The following TRIM33 variants were observed in gnomAD, a reference collection of about 807,000 sequenced individuals.
TRIM33 encodes E3 ubiquitin-protein ligase TRIM33.
A neutral mutation model predicts 125.4 loss-of-function variants in TRIM33; 20 were observed. The observed-to-expected ratio is 0.16, with a 90% CI of 0.11 to 0.23. The LOEUF (loss-of-function observed/expected upper bound fraction) is 0.23, where lower values mean the gene tolerates loss of function less well. Ranked by LOEUF, TRIM33 falls within the 10% of genes least tolerant of loss-of-function variation. TRIM33 has a pLI of 1.00. For synonymous variants in TRIM33, 564 were observed against 513.9 expected (o/e 1.10, Z -1.32); for missense variants, 920 against 1,411.4 (o/e 0.65, Z 5.58).
At chr1:114,427,360 G>A in intron 7 of TRIM33, 66 bp from the exon 8 acceptor site, 6 of 875,786 alleles carry the variant, frequency 6.9e-6, no homozygotes, top group Admixed American at 4.5e-5. Context: ...ATAAGATAAA[G>A]ACATTAAGAA....
intron 1 of TRIM33, among the ~76,000 whole-genome samples, chr1:114,466,705 G>A (rs1572089633): frequency 6.6e-6 from 1 of 152,294 alleles, no homozygotes; most frequent in South Asian, 2.1e-4. Context: ...CTGAAAGCAT[G>A]GGTCTGCTTT....
chr1:114,398,138 A>G (rs1350961209), intron 18 of TRIM33, 148 bp from the exon 19 acceptor site: 3 of 752,916 alleles, frequency 4.0e-6, no homozygotes, highest in Non-Finnish European at 6.4e-6. Context: ...CTAAAATTCT[A>G]CAGAACATGG....
At chr1:114,419,828 G>A (rs1056651516) in intron 11 of TRIM33, among the ~76,000 whole-genome samples, 6 of 152,152 alleles carry the variant, frequency 3.9e-5, no homozygotes, top group South Asian at 2.1e-4. Flanking sequence ...ATAGTAACCA[G>A]TTTACTATGT....
Position 114,396,875 on chromosome 1 carries a change from CATGA to C in TRIM33, c.*769_*772del. ...TTTCATGGGAATAACTGTATGATCA[CATGA>C]TTTGATTGGGAAGTACAATTGTGAG... On this transcript the variant is annotated 3_prime_UTR_variant, in exon 20 of 20. Transcript: ENST00000358465. The C allele has an allele frequency of 4.8e-6, 1 of 210,408 alleles. No individual in the cohort carries two copies. The highest frequency in any genetic ancestry group is 1.9e-4 in the South Asian group (1 of 5,338). The allele number at this position is 210,408 out of a possible 1,614,324, so 13.0% of individuals were successfully genotyped here. A position where few individuals can be genotyped will look rare whatever the true frequency, so the allele number is the denominator to read the frequency against.
chr1:114,424,566 C>A, intron 10 of TRIM33, 25 bp downstream of exon 10: 1 of 1,494,278 alleles, frequency 6.7e-7, no homozygotes, highest in Admixed American at 2.4e-5. Flanking sequence ...TTGTAGGATT[C>A]TTACAAATGT....
intron 1 of TRIM33, among the ~76,000 whole-genome samples, chr1:114,486,333 A>C (rs189564122): frequency 6.6e-6 from 1 of 152,112 alleles, no homozygotes; most frequent in East Asian, 1.9e-4. Context: ...AATGAAAGTT[A>C]TAGAAAAAAA....
intron 1 of TRIM33, among the ~76,000 whole-genome samples, chr1:114,508,371 T>G (rs563099108): frequency 1.3e-5 from 2 of 152,196 alleles, no homozygotes; most frequent in Admixed American, 6.5e-5. Context: ...TCTGTATTTC[T>G]GGGTTCCCTC....
At chr1:114,498,830 C>T (rs1652535194) in intron 1 of TRIM33, among the ~76,000 whole-genome samples, 1 of 151,562 alleles carries the variant, frequency 6.6e-6, no homozygotes, top group Non-Finnish European at 1.5e-5. Flanking sequence ...GGGGAAGGAC[C>T]TTCTGAAAAA....
Position 114,463,103 on chromosome 1 carries a change from C to T in TRIM33, c.923+1G>A, listed in dbSNP as rs1650090259. The T allele has an allele frequency of 6.3e-7, 1 of 1,595,614 alleles. No individual in the cohort carries two copies. Among genetic ancestry groups the T allele is most frequent in the East Asian group, 2.2e-5 (1 of 44,496 alleles). ...CTGGTAAGCAATTATGATTTCTGTA[C>T]CTATGTTCTTTGTGTTCCAATAGCT... On this transcript the variant is annotated splice_donor_variant, in intron 4 of 19. Coordinates refer to ENST00000358465, the MANE Select transcript of TRIM33 (RefSeq NM_015906.4). LOFTEE classifies it high-confidence loss of function.
At chr1:114,475,633 G>T (rs12075649) in intron 1 of TRIM33, among the ~76,000 whole-genome samples, 3,477 of 152,242 alleles carry the variant, frequency 0.023, 125 homozygotes, top group African/African-American at 0.079. Context: ...AGTGAGCCGA[G>T]ATGGCGCCAC....
intron 18 of TRIM33, 36 bp from the exon 19 acceptor site, chr1:114,398,026 A>T (rs756712386): frequency 1.9e-6 from 3 of 1,598,636 alleles, no homozygotes; most frequent in South Asian, 2.2e-5. Context: ...AAAAAAAGGG[A>T]AATTATAATC....
intron 4 of TRIM33, among the ~76,000 whole-genome samples, chr1:114,437,003 C>T (rs1648351019): frequency 6.6e-6 from 1 of 152,198 alleles, no homozygotes; most frequent in South Asian, 2.1e-4. Context: ...ATGATGTCAA[C>T]ATATACGCAT....
intron 1 of TRIM33, among the ~76,000 whole-genome samples, chr1:114,464,823 TATA>T (rs1557881187): frequency 6.6e-6 from 1 of 152,026 alleles, no homozygotes; most frequent in Non-Finnish European, 1.5e-5. Flanking sequence ...GGAAGGCAAT[TATA>T]ATAACAATGG....
chr1:114,400,209 A>G (rs1424554957), intron 17 of TRIM33, among the ~76,000 whole-genome samples: 1 of 152,076 alleles, frequency 6.6e-6, no homozygotes, highest in Non-Finnish European at 1.5e-5. Flanking sequence ...CTGATTGACT[A>G]ATTGATTTTT....
At chr1:114,460,788 C>G (rs1649931649) in intron 4 of TRIM33, among the ~76,000 whole-genome samples, 1 of 152,006 alleles carries the variant, frequency 6.6e-6, no homozygotes, top group Non-Finnish European at 1.5e-5. Context: ...CCCTCTCTCT[C>G]TATAAAACCA....
At chr1:114,509,975 T>A (rs1445370752) in intron 1 of TRIM33, among the ~76,000 whole-genome samples, 1 of 152,184 alleles carries the variant, frequency 6.6e-6, no homozygotes, top group Admixed American at 6.5e-5. Flanking sequence ...AACCATGCAG[T>A]CCACTTTCCG....
chr1:114,475,750 G>A (rs540223735), intron 1 of TRIM33, among the ~76,000 whole-genome samples: 1 of 152,122 alleles, frequency 6.6e-6, no homozygotes, highest in Admixed American at 6.6e-5. Context: ...AAAACAGCAT[G>A]AAAATTTCAA....
In TRIM33 at chr1:114,413,968, C is replaced by T. The variant is rs185250120; in HGVS notation, c.2062-3652G>A. 3.6e-4 allele frequency among the ~76,000 whole-genome samples: 54 copies of T among 151,376 alleles called. No homozygotes were observed. The East Asian group carries it at 7.6e-3, about 21-fold the overall frequency. Reference sequence around the variant, plus strand: ...CTTGAGCACCACTGCACTCCAGCCTCGGCAAAAGAGTGAGACCCTGTCTCA... The same window carrying T: ...CTTGAGCACCACTGCACTCCAGCCTTGGCAAAAGAGTGAGACCCTGTCTCA... On this transcript the variant is annotated intron_variant, in intron 11 of 19. Coordinates refer to ENST00000358465, the MANE Select transcript of TRIM33 (RefSeq NM_015906.4).
Position 114,511,069 on chromosome 1 carries a change from T to C in TRIM33, c.8A>G (p.Glu3Gly). Reference protein sequence around the residue: MAENKGGGEAESG... With the variant: MAGNKGGGEAESG... ...CTCAGCCTCGCCGCCGCCTTTGTTT[T>C]CCGCCATGTTTTCCTCTTTGAACCC... The change falls in exon 1 of 20, where the codon GAA becomes GGA. Residue 3 changes from glutamate to glycine, a missense_variant. Physicochemically the swap from Glu to Gly is moderately conservative, Grantham distance 98. Coordinates refer to ENST00000358465, the MANE Select transcript of TRIM33 (RefSeq NM_015906.4). 7.8e-7 allele frequency: 1 copy of C among 1,284,420 alleles called. No individual in the cohort carries two copies. The highest frequency in any genetic ancestry group is 9.9e-7 in the Non-Finnish European group (1 of 1,013,118). The allele number at this position is 1,284,420 out of a possible 1,614,324, so 79.6% of individuals were successfully genotyped here. A position where few individuals can be genotyped will look rare whatever the true frequency, so the allele number is the denominator to read the frequency against.
Sources: gnomAD v4.1 joint callset for allele counts (sites outside exome capture counted in the v4.1 genomes callset) on GRCh38, gnomAD v4.1.1 for gene constraint, MANE v1.5 for transcripts, NCBI Gene and HGNC (gene_info 2026-07-23, HGNC 2026-07-21) for gene names.